ARHGAP26: variants seen among roughly 807,000 people sequenced by gnomAD.
The protein encoded by ARHGAP26 is rho GTPase-activating protein 26.
ARHGAP26 carries 38 observed loss-of-function variants against 104.8 expected under a neutral mutation model. The ratio of observed to expected loss-of-function variants is 0.36; its 90% CI spans 0.28 to 0.48. The LOEUF (loss-of-function observed/expected upper bound fraction) is 0.48, where lower values mean the gene tolerates loss of function less well. Ranked by LOEUF, ARHGAP26 falls within the 20% of genes least tolerant of loss-of-function variation. ARHGAP26 has a pLI of 0.99. For synonymous variants in ARHGAP26, 341 were observed against 340.0 expected (o/e 1.00, Z -0.03); for missense variants, 704 against 947.9 (o/e 0.74, Z 3.38).
chr5:143,068,944 CT>C (rs1787885788), intron 17 of ARHGAP26, among the ~76,000 whole-genome samples: 1 of 152,180 alleles, frequency 6.6e-6, no homozygotes, highest in African/African-American at 2.4e-5. Context: ...CAGATTCCCA[CT>C]CTCTCCTCCT....
intron 17 of ARHGAP26, among the ~76,000 whole-genome samples, chr5:143,074,325 A>G (rs1788682380): frequency 6.6e-6 from 1 of 152,198 alleles, no homozygotes; most frequent in Non-Finnish European, 1.5e-5. Flanking sequence ...CTTTTCGTCC[A>G]TTATAGAACT....
intron 1 of ARHGAP26, among the ~76,000 whole-genome samples, chr5:142,790,424 T>C (rs1057458180): frequency 2.0e-5 from 3 of 152,236 alleles, no homozygotes; most frequent in African/African-American, 7.2e-5. Flanking sequence ...TCTTACTCAT[T>C]GGAATCATGA....
At chr5:143,000,393 T>C (rs914410257) in intron 11 of ARHGAP26, among the ~76,000 whole-genome samples, 1 of 152,222 alleles carries the variant, frequency 6.6e-6, no homozygotes, top group African/African-American at 2.4e-5. Context: ...AACAGAGGAA[T>C]TGATAAAACT....
chr5:142,913,611 A>C (rs1347636582), intron 10 of ARHGAP26, among the ~76,000 whole-genome samples: 1 of 152,140 alleles, frequency 6.6e-6, no homozygotes, highest in Non-Finnish European at 1.5e-5. Flanking sequence ...TCTCCAGGAG[A>C]TTGAGTAGTA....
At chr5:142,814,214 A>G (rs1184887368) in intron 1 of ARHGAP26, among the ~76,000 whole-genome samples, 1 of 152,258 alleles carries the variant, frequency 6.6e-6, no homozygotes, top group African/African-American at 2.4e-5. Flanking sequence ...TCCTTCAGAC[A>G]AGACTCAGAA....
chr5:143,201,727 CA>C (rs1302139833), intron 20 of ARHGAP26, among the ~76,000 whole-genome samples: 1 of 152,166 alleles, frequency 6.6e-6, no homozygotes, highest in East Asian at 1.9e-4. Flanking sequence ...AGTTTTGCAT[CA>C]GAACTAAAAT....
intron 17 of ARHGAP26, among the ~76,000 whole-genome samples, chr5:143,065,007 A>T (rs562795634): frequency 1.3e-5 from 2 of 152,250 alleles, no homozygotes; most frequent in East Asian, 3.9e-4. Context: ...TTCTCAATAA[A>T]TTTCCTGTTT....
At chr5:142,791,338 T>G (rs1201377730) in intron 1 of ARHGAP26, among the ~76,000 whole-genome samples, 2 of 151,924 alleles carry the variant, frequency 1.3e-5, no homozygotes, top group Non-Finnish European at 2.9e-5. Flanking sequence ...AGCCTCCATC[T>G]CCTCTCCCAT....
At chr5:143,021,187 A>G (rs1780291921) in intron 12 of ARHGAP26, among the ~76,000 whole-genome samples, 1 of 152,132 alleles carries the variant, frequency 6.6e-6, no homozygotes, top group Non-Finnish European at 1.5e-5. Flanking sequence ...GATGTCTTGT[A>G]TGTATTTTGT....
intron 1 of ARHGAP26, among the ~76,000 whole-genome samples, chr5:142,855,047 C>T (rs1249809431): frequency 3.3e-5 from 5 of 151,964 alleles, no homozygotes; most frequent in Admixed American, 2.0e-4. Context: ...AGAAAAGTCT[C>T]TCTTAAGGCA....
intron 10 of ARHGAP26, chr5:142,919,470 G>A (rs768472712): frequency 1.1e-4 from 42 of 398,024 alleles, no homozygotes; most frequent in Non-Finnish European, 1.6e-4. Flanking sequence ...ACTTTGTTAC[G>A]GCAGCCCCAG....
chr5:143,220,971 A>C (rs1174579402), intron 22 of ARHGAP26, among the ~76,000 whole-genome samples: 1 of 152,226 alleles, frequency 6.6e-6, no homozygotes, highest in Non-Finnish European at 1.5e-5. Flanking sequence ...GAAGTCATTT[A>C]ATTAGCCCAG....
chr5:143,128,270 T>G (rs1796942280), intron 18 of ARHGAP26, among the ~76,000 whole-genome samples: 1 of 152,156 alleles, frequency 6.6e-6, no homozygotes, highest in Non-Finnish European at 1.5e-5. Flanking sequence ...CAAATAAAGG[T>G]GGAGATTGTT....
At chr5:142,856,875 T>G (rs567335194) in intron 1 of ARHGAP26, among the ~76,000 whole-genome samples, 1 of 152,344 alleles carries the variant, frequency 6.6e-6, no homozygotes, top group Non-Finnish European at 1.5e-5. Context: ...CTAGTCCCCA[T>G]GGATCCCGAG....
intron 11 of ARHGAP26, among the ~76,000 whole-genome samples, chr5:142,987,340 G>T (rs1435774231): frequency 2.6e-5 from 4 of 152,310 alleles, no homozygotes; most frequent in Middle Eastern, 3.4e-3. Flanking sequence ...TTTGCACATT[G>T]ATTTTGTATC....
At chr5:143,160,871 G>A (rs1057296152) in intron 20 of ARHGAP26, among the ~76,000 whole-genome samples, 9 of 152,128 alleles carry the variant, frequency 5.9e-5, no homozygotes, top group Non-Finnish European at 1.3e-4. Context: ...GGCTGGCCTC[G>A]CCCAGGGCTC....
intron 6 of ARHGAP26, among the ~76,000 whole-genome samples, chr5:142,894,981 G>A (rs1759258812): frequency 6.6e-6 from 1 of 152,152 alleles, no homozygotes; most frequent in African/African-American, 2.4e-5. Flanking sequence ...TTTAGTTTAG[G>A]CCACACCAGC....
At chr5:142,795,102 T>C (rs929954984) in intron 1 of ARHGAP26, among the ~76,000 whole-genome samples, 2 of 152,114 alleles carry the variant, frequency 1.3e-5, no homozygotes, top group African/African-American at 2.4e-5. Context: ...CATTCCTAAC[T>C]CACAGGTCAT....
chr5:142,879,551 G>T (rs911081109), intron 4 of ARHGAP26, 106 bp downstream of exon 4: 3 of 1,044,534 alleles, frequency 2.9e-6, no homozygotes, highest in South Asian at 3.3e-5. Flanking sequence ...GAAAATCGAA[G>T]CCCACCTTCT....
Sources: gnomAD v4.1 joint callset for allele counts (sites outside exome capture counted in the v4.1 genomes callset) on GRCh38, gnomAD v4.1.1 for gene constraint, MANE v1.5 for transcripts, NCBI Gene and HGNC (gene_info 2026-07-23, HGNC 2026-07-21) for gene names.